The following NCAM1 variants were observed in gnomAD, a reference collection of about 807,000 sequenced individuals.
The protein encoded by NCAM1 is antigen recognized by monoclonal antibody 5.1H11.
A neutral mutation model predicts 109.8 loss-of-function variants in NCAM1; 14 were observed. The ratio of observed to expected loss-of-function variants is 0.13; its 90% CI spans 0.08 to 0.20. The LOEUF is 0.20. NCAM1 is among the 10% of genes least tolerant of loss of function. The pLI, the probability that NCAM1 is intolerant of heterozygous loss-of-function variation, is 1.00. For missense variants in NCAM1, 774 were observed against 1,109.9 expected (o/e 0.70, Z 4.30); for synonymous variants, 418 against 442.9 (o/e 0.94, Z 0.70).
In NCAM1 at chr11:113,233,818, A is replaced by G. The variant is rs1945083865; in HGVS notation, c.1693+501A>G. ...CAGTCCTGTGCTAGCTTTCCAAGCT[A>G]AAGATTAAAAGACTGACCCTTGGAT... On this transcript the variant is annotated intron_variant, in intron 13 of 19. Transcript: ENST00000316851. This position sits in a 1 kb window ranked among gnomAD's most constrained non-coding sequence, Gnocchi z 4.5. Among the ~76,000 whole-genome samples the G allele has an allele frequency of 6.6e-6, 1 of 152,234 alleles. No individual in the cohort carries two copies. The highest frequency in any genetic ancestry group is 1.5e-5 in the Non-Finnish European group (1 of 68,042).
chr11:113,010,205 T>C (rs1555074128), intron 1 of NCAM1, among the ~76,000 whole-genome samples: 1 of 152,236 alleles, frequency 6.6e-6, no homozygotes, highest in Non-Finnish European at 1.5e-5. Context: ...TTGGCTATGA[T>C]ATGCTAATTG....
At chr11:113,065,723 T>G (rs1369819528) in intron 1 of NCAM1, among the ~76,000 whole-genome samples, 1 of 152,124 alleles carries the variant, frequency 6.6e-6, no homozygotes, top group Non-Finnish European at 1.5e-5. Flanking sequence ...GAAATTGACA[T>G]GTGAGGAACT....
At chr11:113,025,190 C>T (rs1264724325) in intron 1 of NCAM1, among the ~76,000 whole-genome samples, 2 of 151,860 alleles carry the variant, frequency 1.3e-5, no homozygotes, top group Non-Finnish European at 2.9e-5. Flanking sequence ...TTTTTTTCAT[C>T]AGGATTTGCT....
chr11:113,204,764 A>G (rs1944185450), intron 3 of NCAM1, among the ~76,000 whole-genome samples: 2 of 152,118 alleles, frequency 1.3e-5, no homozygotes, highest in Non-Finnish European at 2.9e-5. Context: ...GGGTTTCTCT[A>G]TCCCTTCCCC....
At chr11:113,060,686 G>A (rs1316050305) in intron 1 of NCAM1, among the ~76,000 whole-genome samples, 1 of 152,094 alleles carries the variant, frequency 6.6e-6, no homozygotes, top group Non-Finnish European at 1.5e-5. Context: ...CAATTTTTTG[G>A]TTGCAGATTT....
intron 1 of NCAM1, among the ~76,000 whole-genome samples, chr11:113,194,248 A>G (rs1943785090): frequency 1.3e-5 from 2 of 152,216 alleles, no homozygotes; most frequent in African/African-American, 4.8e-5. Context: ...GTGAAGGGAT[A>G]TTCAATATCT....
chr11:113,266,969 C>T (rs1946143649), intron 17 of NCAM1, among the ~76,000 whole-genome samples: 1 of 152,188 alleles, frequency 6.6e-6, no homozygotes, highest in South Asian at 2.1e-4. Context: ...CTTACAGCGT[C>T]CCTGCCAAGG....
In NCAM1 at chr11:113,275,347, A is replaced by G. The variant is rs977353145; in HGVS notation, c.2537A>G (p.Asn846Ser). 1.4e-5 allele frequency: 23 copies of G among 1,613,458 alleles called. No homozygotes were observed. The highest frequency in any genetic ancestry group is 3.3e-5 in the Admixed American group (2 of 59,956). The change falls in exon 20 of 20, where the codon AAT (asparagine) becomes AGT (serine). Residue 846 changes from asparagine to serine, a missense_variant. Physicochemically the swap from Asn to Ser is conservative, Grantham distance 46 (BLOSUM62 1). This residue lies in a region of NCAM1 where 122 missense variants were observed against 129.7 expected (regional missense o/e 0.94). Coordinates refer to ENST00000316851, the MANE Select transcript of NCAM1 (RefSeq NM_181351.5). ...CCAGCCGAAGTCAAGACGGTCCCCAATGACGCCACACAGACAAAGGAGAAC... is the reference window on the plus strand; with the variant it reads ...CCAGCCGAAGTCAAGACGGTCCCCAGTGACGCCACACAGACAAAGGAGAAC... ...PAPAEVKTVP[N>S]DATQTKENES...
chr11:113,033,857 T>C (rs1211813332), intron 1 of NCAM1, among the ~76,000 whole-genome samples: 3 of 152,230 alleles, frequency 2.0e-5, no homozygotes, highest in Admixed American at 1.3e-4. Flanking sequence ...ATTTATAAAG[T>C]TGGTTGGCCA....
intron 14 of NCAM1, among the ~76,000 whole-genome samples, chr11:113,239,055 G>T (rs1383729517): frequency 6.6e-6 from 1 of 152,210 alleles, no homozygotes; most frequent in East Asian, 1.9e-4. Flanking sequence ...TATCAGAGCA[G>T]GGATGAGCAG....
intron 1 of NCAM1, among the ~76,000 whole-genome samples, chr11:113,020,958 T>C (rs1205377280): frequency 6.6e-6 from 1 of 152,144 alleles, no homozygotes; most frequent in Non-Finnish European, 1.5e-5. Context: ...GATTTCGCCA[T>C]GTTGGCCAGG....
rs142494685 is a variant in NCAM1, at chr11:113,213,383, T to A, written c.917-986T>A. ...ATTGGGAAAATTCAATTTTCTCTAA[T>A]GTTTTAACATTTAACTTAGCTTTGG... On this transcript the variant is annotated intron_variant, in intron 7 of 19. Transcript: ENST00000316851. Among the ~76,000 whole-genome samples the A allele has an allele frequency of 1.6e-4, 25 of 152,372 alleles. No individual in the cohort carries two copies. In the East Asian group the frequency reaches 4.2e-3, roughly 26 times the overall value.
intron 15 of NCAM1, among the ~76,000 whole-genome samples, chr11:113,247,661 G>A (rs1343615464): frequency 6.6e-6 from 1 of 152,136 alleles, no homozygotes; most frequent in East Asian, 1.9e-4. Flanking sequence ...CCAAAAAGGC[G>A]ATATTGGGTA....
chr11:113,171,449 T>C (rs2136461387), intron 1 of NCAM1, among the ~76,000 whole-genome samples: 1 of 152,202 alleles, frequency 6.6e-6, no homozygotes, highest in East Asian at 1.9e-4. Context: ...CTGGCCAAGA[T>C]GGCGAAACCC....
chr11:112,968,841 TCAACAAACATTGAATTA>T (rs1950795744), intron 1 of NCAM1, among the ~76,000 whole-genome samples: 1 of 152,126 alleles, frequency 6.6e-6, no homozygotes, highest in Non-Finnish European at 1.5e-5. Flanking sequence ...ACTACTTAAT[TCAACAAACATTGAATTA>T]CAACAAACAT....
In NCAM1 at chr11:112,962,605, G is replaced by A. The variant is rs1950600411; in HGVS notation, c.52+941G>A. ...AGTGTGAACAATAGGGAGCTGGGAGGAAGACAGTAGTGATGCTGCCGCGGG... is the reference window on the plus strand; with the variant it reads ...AGTGTGAACAATAGGGAGCTGGGAGAAAGACAGTAGTGATGCTGCCGCGGG... On this transcript the variant is annotated intron_variant, in intron 1 of 19. Transcript: ENST00000316851. This position sits in a 1 kb window ranked among gnomAD's most constrained non-coding sequence, Gnocchi z 5.6. 6.6e-6 allele frequency among the ~76,000 whole-genome samples: 1 copy of A among 152,168 alleles called. No homozygotes were observed. Among genetic ancestry groups the A allele is most frequent in the South Asian group, 2.1e-4 (1 of 4,826 alleles).
chr11:113,213,837 A>G (rs1232887103), intron 7 of NCAM1, among the ~76,000 whole-genome samples: 2 of 152,182 alleles, frequency 1.3e-5, no homozygotes, highest in African/African-American at 2.4e-5. Flanking sequence ...TTGAAATACA[A>G]ATGCTTTTGT....
At position 113,232,887 on chromosome 11, in the gene NCAM1, C is replaced by A. The variant is rs140128371; in HGVS notation, c.1522+73C>A. On this transcript the variant is annotated intron_variant, in intron 12 of 19. Coordinates refer to ENST00000316851, the MANE Select transcript of NCAM1 (RefSeq NM_181351.5). ...TAACCCTGCCAGCCCAATTTGTGTA[C>A]TTGAGTGATTCCAGGATATTGGGAA... 140 of 1,326,130 alleles carry A rather than the reference C, an allele frequency of 1.1e-4. 2 individuals carry two copies. The East Asian group carries it at 3.1e-3, about 30-fold the overall frequency. 82.1% of individuals were successfully genotyped at this position (1,326,130 alleles called of 1,614,324 possible). A position where few individuals can be genotyped will look rare whatever the true frequency, so the allele number is the denominator to read the frequency against.
chr11:113,188,135 T>C (rs1391424024), intron 1 of NCAM1, among the ~76,000 whole-genome samples: 4 of 152,150 alleles, frequency 2.6e-5, no homozygotes, highest in Non-Finnish European at 5.9e-5. Context: ...CCCTGGGAAT[T>C]TGAGGGTGTG....
Sources: allele counts gnomAD v4.1 joint callset (sites outside exome capture counted in the v4.1 genomes callset), GRCh38; gene constraint gnomAD v4.1.1; regional missense constraint gnomAD v4.1.1; non-coding constraint Gnocchi (gnomAD v3.1); transcripts MANE v1.5; gene names NCBI Gene and HGNC (gene_info 2026-07-23, HGNC 2026-07-21).